Variants in MCPH1 observed in about 807,000 individuals in gnomAD.
MCPH1 encodes the protein microcephalin 1.
Under a neutral mutation model 84.5 loss-of-function variants are expected in MCPH1, and 104 were observed. The observed-to-expected ratio is 1.23, with a 90% CI of 1.05 to 1.45. MCPH1 has a LOEUF of 1.45. Among genes scored for constraint, MCPH1 ranks in the 40% most tolerant of loss-of-function variants. The pLI is 0.00. For synonymous variants in MCPH1, 514 were observed against 366.8 expected (o/e 1.40, Z -4.58); for missense variants, 1,498 against 1,005.7 (o/e 1.49, Z -6.62).
intron 12 of MCPH1, among the ~76,000 whole-genome samples, chr8:6,575,726 CCTAAT>C (rs1827022316): frequency 6.6e-6 from 1 of 152,046 alleles, no homozygotes; most frequent in African/African-American, 2.4e-5. Context: ...GGAGTGGGCC[CCTAAT>C]CTAATGTGAC....
intron 5 of MCPH1, among the ~76,000 whole-genome samples, chr8:6,437,171 T>A (rs997056046): frequency 4.6e-5 from 7 of 152,172 alleles, no homozygotes; most frequent in African/African-American, 1.7e-4. Context: ...TAATCTATGT[T>A]ACTATGTCAC....
At chr8:6,592,973 T>A (rs1828628540) in intron 12 of MCPH1, among the ~76,000 whole-genome samples, 1 of 151,594 alleles carries the variant, frequency 6.6e-6, no homozygotes, top group Non-Finnish European at 1.5e-5. Flanking sequence ...GGCCGGCTCT[T>A]GTTTTTCTCT....
At chr8:6,477,334 T>C (rs1808606819) in intron 9 of MCPH1, 1 of 451,748 alleles carries the variant, frequency 2.2e-6, no homozygotes, top group South Asian at 2.8e-5. Flanking sequence ...GTGGAACAGA[T>C]TCCTGGGGGA....
intron 12 of MCPH1, among the ~76,000 whole-genome samples, chr8:6,576,240 G>C (rs1827082839): frequency 6.6e-6 from 1 of 152,084 alleles, no homozygotes; most frequent in Non-Finnish European, 1.5e-5. Context: ...GTGTTTCCTA[G>C]AAGTACTAAG....
chr8:6,430,485 C>T (rs947010146), intron 3 of MCPH1, among the ~76,000 whole-genome samples: 5 of 152,210 alleles, frequency 3.3e-5, no homozygotes, highest in Admixed American at 2.0e-4. Flanking sequence ...ACATTCACTA[C>T]CCTAGTGTCA....
intron 5 of MCPH1, among the ~76,000 whole-genome samples, chr8:6,436,914 G>C (rs185194325): frequency 6.6e-6 from 1 of 152,098 alleles, no homozygotes; most frequent in East Asian, 1.9e-4. Flanking sequence ...AGCTTGCAGT[G>C]AGCCGAGACT....
At chr8:6,625,393 G>A in intron 13 of MCPH1, 1 of 985,394 alleles carries the variant, frequency 1.0e-6, no homozygotes, top group Non-Finnish European at 1.2e-6. Context: ...GTCTTTTGGA[G>A]ACTTTTTTTC....
chr8:6,597,452 A>T (rs1829015724), intron 12 of MCPH1, among the ~76,000 whole-genome samples: 2 of 152,190 alleles, frequency 1.3e-5, no homozygotes, highest in Admixed American at 6.5e-5. Flanking sequence ...GATGAATTTT[A>T]TGTACTTGTG....
intron 11 of MCPH1, among the ~76,000 whole-genome samples, chr8:6,484,226 C>T (rs974564562): frequency 6.6e-6 from 1 of 152,194 alleles, no homozygotes; most frequent in East Asian, 1.9e-4. Flanking sequence ...AACAGAACAG[C>T]TCAAACAAAA....
intron 11 of MCPH1, chr8:6,494,435 T>G (rs1811010056): frequency 6.6e-6 from 1 of 152,216 alleles, no homozygotes; most frequent in South Asian, 2.1e-4. Flanking sequence ...ACTGCTAACC[T>G]TGCTACACCG....
intron 12 of MCPH1, among the ~76,000 whole-genome samples, chr8:6,509,318 G>A (rs1814459947): frequency 1.3e-5 from 2 of 152,200 alleles, no homozygotes; most frequent in South Asian, 2.1e-4. Context: ...AGCGACTGTA[G>A]AGCCCTGTAA....
intron 9 of MCPH1, among the ~76,000 whole-genome samples, chr8:6,473,088 GA>G (rs1172958262): frequency 6.6e-6 from 1 of 151,912 alleles, no homozygotes; most frequent in African/African-American, 2.4e-5. Flanking sequence ...CAATTATACA[GA>G]AAAAAGAATA....
intron 2 of MCPH1, among the ~76,000 whole-genome samples, chr8:6,413,942 A>G (rs1798890455): frequency 6.6e-6 from 1 of 152,048 alleles, no homozygotes; most frequent in Admixed American, 6.6e-5. Flanking sequence ...TTTAGTAGAG[A>G]CAGGGTTTTT....
intron 12 of MCPH1, among the ~76,000 whole-genome samples, chr8:6,536,972 GAA>G (rs58686747): frequency 1.3e-4 from 13 of 102,268 alleles, no homozygotes; most frequent in East Asian, 3.4e-4. Flanking sequence ...CTTAGTACAA[GAA>G]AAAAAAAAAA....
chr8:6,508,620 C>T (rs1041744892), intron 12 of MCPH1: 2 of 480,042 alleles, frequency 4.2e-6, no homozygotes, highest in East Asian at 3.3e-5. Context: ...GTAATTAAAC[C>T]ATCTCTCTAG....
chr8:6,481,759 T>G (rs1285454931), intron 11 of MCPH1, among the ~76,000 whole-genome samples: 1 of 152,252 alleles, frequency 6.6e-6, no homozygotes, highest in African/African-American at 2.4e-5. Context: ...AAGTAAGCAC[T>G]GTTCATTTGC....
chr8:6,429,212 A>G (rs2440427), intron 3 of MCPH1, among the ~76,000 whole-genome samples: 108,003 of 152,126 alleles, frequency 0.71, 41,030 homozygotes, highest in Non-Finnish European at 0.83. Context: ...ATTTCCTTTC[A>G]TGGAAAACTT....
intron 12 of MCPH1, among the ~76,000 whole-genome samples, chr8:6,594,945 C>A (rs1012484057): frequency 6.6e-6 from 1 of 152,166 alleles, no homozygotes; most frequent in African/African-American, 2.4e-5. Flanking sequence ...TTAAACTGTT[C>A]TTTAAAATCG....
At chr8:6,465,433 GCACAT>G (rs1453912687) in intron 9 of MCPH1, among the ~76,000 whole-genome samples, 1 of 152,166 alleles carries the variant, frequency 6.6e-6, no homozygotes, top group East Asian at 1.9e-4. Context: ...CCTGGTCTCA[GCACAT>G]CACCGGTATT....
Sources: gnomAD v4.1 joint callset for allele counts (sites outside exome capture counted in the v4.1 genomes callset) on GRCh38, gnomAD v4.1.1 for gene constraint, MANE v1.5 for transcripts, NCBI Gene and HGNC (gene_info 2026-07-23, HGNC 2026-07-21) for gene names.